Variants in C5orf52 observed in about 807,000 individuals in gnomAD.
C5orf52 encodes the protein uncharacterized protein C5orf52.
In C5orf52, 15 loss-of-function variants were observed where a neutral mutation model predicts 16.8. The observed-to-expected ratio is 0.89, with a 90% confidence interval of 0.60 to 1.38. The LOEUF (loss-of-function observed/expected upper bound fraction) is 1.38, where lower values mean the gene tolerates loss of function less well. Ranked by LOEUF, C5orf52 falls within the 40% of genes most tolerant of loss-of-function variation. The probability of loss-of-function intolerance (pLI) is 0.00; values close to 1 mark genes in which losing one functional copy is unlikely to be tolerated. For synonymous variants in C5orf52, 83 were observed against 87.2 expected, an observed-to-expected ratio of 0.95 and a Z score of 0.27; for missense variants, 206 against 213.1, an observed-to-expected ratio of 0.97 and a Z score of 0.21.
chr5:157,678,367 G>C (rs1375318717), intron 2 of C5orf52, among the ~76,000 whole-genome samples: 2 of 152,080 alleles, frequency 1.3e-5, no homozygotes, highest in Non-Finnish European at 2.9e-5. Context: ...ACATTCCCAG[G>C]ATCACCACCC....
At chr5:157,671,512 C>A, upstream of C5orf52, 2 of 988,684 alleles carry the variant, frequency 2.0e-6, no homozygotes, top group Non-Finnish European at 1.5e-6. Context: ...GCGCTCGGTT[C>A]AGGGCTCCGC....
chr5:157,672,559 A>AAC (rs1561594402), intron 1 of C5orf52, among the ~76,000 whole-genome samples: 1 of 151,676 alleles, frequency 6.6e-6, no homozygotes, highest in African/African-American at 2.4e-5. Flanking sequence ...ACAACAACAA[A>AAC]AAAAAACCAG....
In C5orf52 at chr5:157,671,601, A is replaced by G; in HGVS notation, c.-14A>G. On this transcript the variant is annotated 5_prime_UTR_variant, in exon 1 of 3. Coordinates refer to ENST00000409999, the MANE Select transcript of C5orf52 (RefSeq NM_001145132.2). ...CCACCAGTTTCCAACTCTTTCTCCA[A>G]CAGGGAAGCCGCAATGACACAGCCG... The G allele has an allele frequency of 6.5e-7, 1 of 1,541,924 alleles. No homozygotes were observed. The highest frequency in any genetic ancestry group is 8.8e-7 in the Non-Finnish European group (1 of 1,142,572).
intron 2 of C5orf52, among the ~76,000 whole-genome samples, chr5:157,677,651 T>A (rs1464394386): frequency 1.2e-4 from 11 of 89,954 alleles, no homozygotes; most frequent in African/African-American, 8.7e-4. Flanking sequence ...TGAAACTCCC[T>A]CTCAAAAAAA....
rs1402403079 is a variant in C5orf52 at position 157,675,190 on chromosome 5, A to G, written c.311A>G (p.Tyr104Cys). 16 of 1,543,150 alleles carry G rather than the reference A, an allele frequency of 1.0e-5. No individual in the cohort carries two copies. In the Admixed American group the frequency reaches 2.0e-4, roughly 19 times the overall value. Residue 104 changes from tyrosine to cysteine, a missense_variant, in exon 2 of 3, where the codon TAT (tyrosine) becomes TGT (cysteine). Physicochemically the swap from Tyr to Cys is radical, Grantham distance 194 (BLOSUM62 -2). Transcript: ENST00000409999. ...IHDNRITQRIYEMEVSALEKT... is the reference protein window; with the variant it reads ...IHDNRITQRICEMEVSALEKT... ...GATAACCGCATCACACAACGAATCT[A>G]TGAGATGGAGGTAAAGTAGCCACAA...
chr5:157,680,080 C>A lies in C5orf52; in HGVS notation c.*81C>A. 1 of 1,330,018 alleles carries A rather than the reference C, an allele frequency of 7.5e-7. No individual in the cohort carries two copies. Among genetic ancestry groups the A allele is most frequent in the Non-Finnish European group, 1.0e-6 (1 of 979,332 alleles). The allele number at this position is 1,330,018 out of a possible 1,614,324, so 82.4% of individuals were successfully genotyped here. ...CAGGGTCACGATGACACCAGTGTGA[C>A]CCGAGGAGAACTAGTAACTACAACC... On this transcript the variant is annotated 3_prime_UTR_variant, in exon 3 of 3. Coordinates refer to ENST00000409999, the MANE Select transcript of C5orf52 (RefSeq NM_001145132.2).
At position 157,675,148 on chromosome 5, in the gene C5orf52, CTCGG is replaced by C. The variant is rs772975944; in HGVS notation, c.270_273del (p.Arg91Ter). The C allele has an allele frequency of 2.4e-5, 38 of 1,551,486 alleles. No homozygotes were observed. In the African/African-American group the frequency reaches 5.2e-4, roughly 21 times the overall value. On this transcript the variant is annotated frameshift_variant, in exon 2 of 3. Transcript: ENST00000409999. LOFTEE classifies it high-confidence loss of function. ...AAAACTTTACCCAAGAGCCATTTAT[CTCGG>C]GTGATTATTCATGATAACCGCATCA...
At chr5:157,676,720 T>C (rs1485080523) in intron 2 of C5orf52, among the ~76,000 whole-genome samples, 1 of 152,144 alleles carries the variant, frequency 6.6e-6, no homozygotes, top group South Asian at 2.1e-4. Flanking sequence ...TCGAGCAAGA[T>C]AGAGAAGTTG....
intron 2 of C5orf52, 63 bp downstream of exon 2, chr5:157,675,263 T>C (rs1759874784): frequency 2.1e-6 from 2 of 971,088 alleles, no homozygotes; most frequent in Non-Finnish European, 3.2e-6. Context: ...TTCATTTCAT[T>C]CTCCCTATAT....
At chr5:157,675,558 C>A (rs536798821) in intron 2 of C5orf52, among the ~76,000 whole-genome samples, 1 of 152,094 alleles carries the variant, frequency 6.6e-6, no homozygotes, top group Non-Finnish European at 1.5e-5. Context: ...AATCCCAGCA[C>A]TTTGGGAGGC....
In C5orf52 at chr5:157,679,887, A is replaced by AAAAAAAAGTTCATG. The variant is rs1441046928; in HGVS notation, c.369_370insAAAAAAGTTCATGA (p.His124LysfsTer7). On this transcript the variant is annotated frameshift_variant, in exon 3 of 3. Transcript: ENST00000409999. LOFTEE classifies it high-confidence loss of function. ...AAGAAAAAGATCAGCCACTACTATG[A>AAAAAAAAGTTCATG]ACACCTGAAAAAAAAGTTCATGACA... 1 of 1,551,878 alleles carries AAAAAAAAGTTCATG rather than the reference A, an allele frequency of 6.4e-7. No homozygotes were observed. Among genetic ancestry groups the AAAAAAAAGTTCATG allele is most frequent in the East Asian group, 2.4e-5 (1 of 40,914 alleles).
At chr5:157,678,746 C>T (rs1759954073) in intron 2 of C5orf52, among the ~76,000 whole-genome samples, 1 of 152,182 alleles carries the variant, frequency 6.6e-6, no homozygotes, top group Non-Finnish European at 1.5e-5. Context: ...CAGATGTGAG[C>T]CACAGCGCCC....
intron 1 of C5orf52, 98 bp from the exon 2 acceptor site, chr5:157,674,994 G>A (rs368974100): frequency 1.9e-4 from 131 of 691,074 alleles, no homozygotes; most frequent in African/African-American, 1.8e-3. Flanking sequence ...CAAGAAACCC[G>A]GGGAAGCCTC....
At chr5:157,678,869 T>C (rs1759956134) in intron 2 of C5orf52, among the ~76,000 whole-genome samples, 1 of 151,970 alleles carries the variant, frequency 6.6e-6, no homozygotes, top group South Asian at 2.1e-4. Context: ...GCACGGTGGT[T>C]CATGCCTGTA....
At chr5:157,678,499 C>T (rs1399764705) in intron 2 of C5orf52, among the ~76,000 whole-genome samples, 1 of 152,170 alleles carries the variant, frequency 6.6e-6, no homozygotes, top group African/African-American at 2.4e-5. Flanking sequence ...CTCTGTCACC[C>T]AGGCTGAAGT....
At chr5:157,674,539 G>A (rs1025238270) in intron 1 of C5orf52, among the ~76,000 whole-genome samples, 3 of 152,184 alleles carry the variant, frequency 2.0e-5, no homozygotes, top group African/African-American at 7.2e-5. Flanking sequence ...AGGCTGAGGT[G>A]GGTGTATCTC....
chr5:157,675,310 G>T (rs1759875382), intron 2 of C5orf52, 110 bp downstream of exon 2: 3 of 691,068 alleles, frequency 4.3e-6, no homozygotes, highest in Non-Finnish European at 7.4e-6. Context: ...AGTCATCAAG[G>T]TGCTCTAAGG....
At chr5:157,671,434 C>G, upstream of C5orf52, 1 of 604,500 alleles carries the variant, frequency 1.7e-6, no homozygotes, top group Non-Finnish European at 3.0e-6. Flanking sequence ...CCGCCGGACT[C>G]TGCACGCATG....
intron 2 of C5orf52, 110 bp from the exon 3 acceptor site, chr5:157,679,731 C>A: frequency 2.0e-6 from 2 of 1,020,524 alleles, no homozygotes; most frequent in Non-Finnish European, 2.8e-6. Context: ...GTCCAGCTGA[C>A]ACTTTTCCCA....
Sources: allele counts gnomAD v4.1 joint callset (sites outside exome capture counted in the v4.1 genomes callset), GRCh38; gene constraint gnomAD v4.1.1; transcripts MANE v1.5; gene names NCBI Gene and HGNC (gene_info 2026-07-23, HGNC 2026-07-21).